STK32A: variants seen among roughly 807,000 people sequenced by gnomAD.
STK32A encodes serine/threonine-protein kinase 32A.
STK32A carries 41 observed loss-of-function variants against 53.2 expected under a neutral mutation model. That is an observed-to-expected ratio of 0.77 (90% CI 0.60 to 1.00). The LOEUF (loss-of-function observed/expected upper bound fraction) is 1.00, where lower values mean the gene tolerates loss of function less well. Among genes scored for constraint, STK32A ranks in the 50% least tolerant of loss-of-function variants. The pLI, the probability that STK32A is intolerant of heterozygous loss-of-function variation, is 0.00. For synonymous variants in STK32A, 166 were observed against 162.8 expected (o/e 1.02, Z -0.15); for missense variants, 458 against 485.8 (o/e 0.94, Z 0.54).
At chr5:147,281,154 C>G (rs939264357) in intron 4 of STK32A, among the ~76,000 whole-genome samples, 5 of 152,146 alleles carry the variant, frequency 3.3e-5, no homozygotes, top group African/African-American at 9.7e-5. Flanking sequence ...TCTGAAAGAG[C>G]CTACCCAAGT....
intron 4 of STK32A, among the ~76,000 whole-genome samples, chr5:147,284,494 GT>G (rs1304128594): frequency 6.6e-6 from 1 of 151,924 alleles, no homozygotes; most frequent in Non-Finnish European, 1.5e-5. Flanking sequence ...CGATATGATC[GT>G]TTAACTTGAA....
chr5:147,314,740 C>CTTTTTT (rs780298418), intron 4 of STK32A, among the ~76,000 whole-genome samples: 6 of 136,032 alleles, frequency 4.4e-5, no homozygotes, highest in African/African-American at 8.2e-5. Context: ...CTTTCTTTTT[C>CTTTTTT]TTTTTTTTTT....
At chr5:147,300,303 G>A (rs1461243418) in intron 4 of STK32A, among the ~76,000 whole-genome samples, 1 of 152,118 alleles carries the variant, frequency 6.6e-6, no homozygotes, top group Non-Finnish European at 1.5e-5. Flanking sequence ...GCAGAGCGAG[G>A]ACTCAAACCC....
intron 2 of STK32A, among the ~76,000 whole-genome samples, chr5:147,257,147 T>C (rs543631908): frequency 1.3e-5 from 2 of 152,110 alleles, no homozygotes; most frequent in East Asian, 3.9e-4. Flanking sequence ...AATGAGTGTA[T>C]GGTTTTAGTA....
intron 4 of STK32A, among the ~76,000 whole-genome samples, chr5:147,307,359 G>A (rs951716285): frequency 3.9e-5 from 6 of 151,924 alleles, no homozygotes; most frequent in Non-Finnish European, 7.4e-5. Flanking sequence ...AGTGACTCAC[G>A]CTTGTAATCC....
intron 7 of STK32A, among the ~76,000 whole-genome samples, chr5:147,357,253 G>T (rs1756289169): frequency 6.6e-6 from 1 of 152,010 alleles, no homozygotes; most frequent in Admixed American, 6.6e-5. Context: ...TGCTCTGGAA[G>T]TGTCTGAAGA....
intron 4 of STK32A, among the ~76,000 whole-genome samples, chr5:147,286,670 T>A (rs998751365): frequency 6.6e-6 from 1 of 152,184 alleles, no homozygotes; most frequent in African/African-American, 2.4e-5. Flanking sequence ...ATTTGTCAAA[T>A]TCTCATTAGG....
intron 2 of STK32A, among the ~76,000 whole-genome samples, chr5:147,250,256 G>A (rs145515169): frequency 4.6e-5 from 7 of 152,198 alleles, no homozygotes; most frequent in African/African-American, 1.2e-4. Context: ...AAATGATGGT[G>A]CCAAGTAGGA....
In STK32A at chr5:147,258,783, ATACATGT is replaced by A. The variant is rs541670081; in HGVS notation, c.52+19102_52+19108del. Among the ~76,000 whole-genome samples, 11 of 152,248 alleles carry A rather than the reference ATACATGT, an allele frequency of 7.2e-5. No homozygotes were observed. In the East Asian group the frequency reaches 1.2e-3, roughly 16 times the overall value. On this transcript the variant is annotated intron_variant, in intron 2 of 12. Coordinates refer to ENST00000397936, the MANE Select transcript of STK32A (RefSeq NM_001112724.2). ...GGCCACAAGATTTGAAGTTAGGATA[ATACATGT>A]TACACTGTTAACTTTTAGCTAAATT... is the stretch of plus-strand genomic sequence containing the variant.
chr5:147,396,316 T>G, the STK32A span, among the ~76,000 whole-genome samples: 1 of 152,280 alleles, frequency 6.6e-6, no homozygotes, highest in African/African-American at 2.4e-5. Context: ...AGCCAGCAAC[T>G]TCCACCCAGC....
chr5:147,343,132 AG>A (rs1755520333), intron 6 of STK32A, 89 bp downstream of exon 6: 2 of 1,417,478 alleles, frequency 1.4e-6, no homozygotes, highest in Non-Finnish European at 2.0e-6. Flanking sequence ...CACATGAAAA[AG>A]GTATTTTGTT....
At position 147,387,316 on chromosome 5, in the gene STK32A, A is replaced by G. The variant is rs1304789930; in HGVS notation, c.*3333A>G. 3 of 152,288 alleles carry G rather than the reference A, an allele frequency of 2.0e-5. No individual in the cohort carries two copies. The highest frequency in any genetic ancestry group is 4.8e-5 in the African/African-American group (2 of 41,468). 9.4% of individuals were successfully genotyped at this position (152,288 alleles called of 1,614,324 possible). A position where few individuals can be genotyped will look rare whatever the true frequency, so the allele number is the denominator to read the frequency against. On this transcript the variant is annotated 3_prime_UTR_variant, in exon 13 of 13. Transcript: ENST00000397936. Reference sequence around the variant, plus strand: ...TTTTGCCTGAGGTCATTGCTAGGGCAGGAATGAACAGCAACCAGCACAGAG... The same window carrying G: ...TTTTGCCTGAGGTCATTGCTAGGGCGGGAATGAACAGCAACCAGCACAGAG...
intron 4 of STK32A, among the ~76,000 whole-genome samples, chr5:147,310,746 A>G (rs937487081): frequency 2.0e-5 from 3 of 152,058 alleles, no homozygotes; most frequent in African/African-American, 7.3e-5. Context: ...TCATCTGAGC[A>G]TGCCGTCTTG....
At chr5:147,382,476 C>T (rs910024177) in intron 11 of STK32A, among the ~76,000 whole-genome samples, 3 of 151,522 alleles carry the variant, frequency 2.0e-5, no homozygotes, top group African/African-American at 7.3e-5. Context: ...GTGAATGAGC[C>T]ATACTTCTCT....
intron 4 of STK32A, among the ~76,000 whole-genome samples, chr5:147,313,767 C>T (rs1753819528): frequency 1.3e-5 from 2 of 152,150 alleles, no homozygotes; most frequent in Admixed American, 1.3e-4. Flanking sequence ...AATAAAGCCT[C>T]ATATTTCCAG....
chr5:147,397,595 A>G, the STK32A span: 4 of 1,508,324 alleles, frequency 2.7e-6, no homozygotes, highest in African/African-American at 2.8e-5. Context: ...CCCTGTGTTC[A>G]TGGTTACTAT....
At chr5:147,331,527 A>C (rs923790266) in intron 5 of STK32A, among the ~76,000 whole-genome samples, 10 of 152,158 alleles carry the variant, frequency 6.6e-5, no homozygotes, top group African/African-American at 2.2e-4. Flanking sequence ...ATAGCATAAA[A>C]CTTCAGTTTA....
intron 11 of STK32A, chr5:147,376,035 A>T (rs951599683): frequency 1.3e-5 from 2 of 152,140 alleles, no homozygotes; most frequent in Admixed American, 1.3e-4. Flanking sequence ...TCCTGTGCTA[A>T]AGACTGGAGT....
chr5:147,245,950 G>C lies in STK32A; in HGVS notation c.52+6264G>C, dbSNP rs2163738. Among the ~76,000 whole-genome samples, 528 of 152,310 alleles carry C rather than the reference G, an allele frequency of 3.5e-3. 5 individuals carry two copies. Among genetic ancestry groups the C allele is most frequent in the African/African-American group, 0.012 (505 of 41,564 alleles). ...TTGGCCACAGATTTGCAATCCAAAA[G>C]AAATAGGAGGTTGCTAAATTGATTC... On this transcript the variant is annotated intron_variant, in intron 2 of 12. Coordinates refer to ENST00000397936, the MANE Select transcript of STK32A (RefSeq NM_001112724.2).
Sources: gnomAD v4.1 joint callset for allele counts (sites outside exome capture counted in the v4.1 genomes callset) on GRCh38, gnomAD v4.1.1 for gene constraint, MANE v1.5 for transcripts, NCBI Gene and HGNC (gene_info 2026-07-23, HGNC 2026-07-21) for gene names.